The following LTBP1 variants were observed in gnomAD, a reference collection of about 807,000 sequenced individuals.
LTBP1 encodes latent transforming growth factor beta binding protein 1.
A neutral mutation model predicts 207.6 loss-of-function variants in LTBP1; 129 were observed. The observed-to-expected ratio is 0.62, with a 90% CI of 0.54 to 0.72. LTBP1 has a LOEUF of 0.72. LTBP1 is among the 30% of genes least tolerant of loss of function. The probability of loss-of-function intolerance (pLI) is 0.00; values close to 1 mark genes in which losing one functional copy is unlikely to be tolerated. For missense variants in LTBP1, 2,281 were observed against 2,217.2 expected (o/e 1.03, Z -0.58); for synonymous variants, 963 against 833.7 (o/e 1.16, Z -2.67).
chr2:33,243,334 A>G (rs1270744318), intron 9 of LTBP1, among the ~76,000 whole-genome samples: 4 of 152,224 alleles, frequency 2.6e-5, no homozygotes, highest in Non-Finnish European at 5.9e-5. Context: ...CTAGAGTGAG[A>G]GTCTTTGCCT....
At chr2:32,997,930 G>C (rs1482109529) in intron 2 of LTBP1, among the ~76,000 whole-genome samples, 1 of 152,082 alleles carries the variant, frequency 6.6e-6, no homozygotes, top group Non-Finnish European at 1.5e-5. Flanking sequence ...GTTGGACCTG[G>C]TATTGATTTA....
intron 3 of LTBP1, among the ~76,000 whole-genome samples, chr2:33,050,444 A>C (rs2076676473): frequency 6.6e-6 from 1 of 152,184 alleles, no homozygotes; most frequent in Non-Finnish European, 1.5e-5. Context: ...GAGAAATTTC[A>C]GATTCCAAGA....
chr2:33,003,007 C>T (rs186393044), intron 2 of LTBP1, among the ~76,000 whole-genome samples: 2 of 152,232 alleles, frequency 1.3e-5, no homozygotes, highest in East Asian at 3.9e-4. Context: ...ACATCGCATT[C>T]GATTTGGTCC....
chr2:33,394,118 C>T (rs1411069739), intron 32 of LTBP1, among the ~76,000 whole-genome samples: 2 of 152,158 alleles, frequency 1.3e-5, no homozygotes, highest in African/African-American at 2.4e-5. Flanking sequence ...TCATATCCTT[C>T]TCCCACTTTT....
chr2:33,043,158 T>C (rs1339342411), intron 3 of LTBP1, among the ~76,000 whole-genome samples: 1 of 152,168 alleles, frequency 6.6e-6, no homozygotes, highest in Non-Finnish European at 1.5e-5. Context: ...AAATGTTCCA[T>C]GTCTCAGCTT....
intron 19 of LTBP1, among the ~76,000 whole-genome samples, chr2:33,280,665 C>A (rs372433646): frequency 3.6e-4 from 55 of 152,286 alleles, no homozygotes; most frequent in African/African-American, 1.3e-3. Flanking sequence ...ACCATGTAAT[C>A]TTTTTCCCTA....
chr2:33,378,098 A>G (rs1003552497), intron 31 of LTBP1, among the ~76,000 whole-genome samples: 4 of 152,158 alleles, frequency 2.6e-5, no homozygotes, highest in Admixed American at 2.0e-4. Context: ...GAGATTATGA[A>G]TAGGCATTCC....
intron 2 of LTBP1, among the ~76,000 whole-genome samples, chr2:33,005,732 G>A (rs900049229): frequency 6.6e-6 from 1 of 151,568 alleles, no homozygotes; most frequent in Non-Finnish European, 1.5e-5. Flanking sequence ...GCTTACAGGC[G>A]CCCGCCAACA....
In LTBP1 at chr2:33,292,809, C is replaced by G. The variant is rs530342634; in HGVS notation, c.3113-351C>G. Among the ~76,000 whole-genome samples, 156 of 152,226 alleles carry G rather than the reference C, an allele frequency of 1.0e-3. 3 individuals are homozygous for G. In the South Asian group the frequency reaches 0.031, roughly 30 times the overall value. ...GAATTCATCAATTTCCAAAATAGAC[C>G]TCAACCCATCTTTGGTTCTTTGGAA... On this transcript the variant is annotated intron_variant, in intron 19 of 33. Coordinates refer to ENST00000404816, the MANE Select transcript of LTBP1 (RefSeq NM_206943.4).
intron 7 of LTBP1, among the ~76,000 whole-genome samples, chr2:33,209,161 C>A (rs1203067325): frequency 3.3e-5 from 5 of 152,142 alleles, no homozygotes; most frequent in South Asian, 4.1e-4. Context: ...GTGTGAGCCA[C>A]CGCACCTGGC....
intron 5 of LTBP1, among the ~76,000 whole-genome samples, chr2:33,153,573 G>A (rs577965698): frequency 4.3e-4 from 66 of 152,242 alleles, no homozygotes; most frequent in African/African-American, 1.5e-3. Flanking sequence ...AATCTGAGCC[G>A]CGAAGGATCT....
chr2:33,076,971 T>C (rs1337115639), intron 3 of LTBP1, among the ~76,000 whole-genome samples: 1 of 152,194 alleles, frequency 6.6e-6, no homozygotes, highest in Non-Finnish European at 1.5e-5. Flanking sequence ...GTTTTGACTG[T>C]AAGTGGTTAG....
At chr2:33,027,262 A>G (rs2075464746) in intron 3 of LTBP1, among the ~76,000 whole-genome samples, 1 of 152,352 alleles carries the variant, frequency 6.6e-6, no homozygotes, top group South Asian at 2.1e-4. Context: ...TACAGTATAC[A>G]TGATATTTTC....
intron 5 of LTBP1, among the ~76,000 whole-genome samples, chr2:33,183,056 A>T (rs1011393240): frequency 6.6e-6 from 1 of 152,144 alleles, no homozygotes; most frequent in Non-Finnish European, 1.5e-5. Flanking sequence ...TGTATAACTG[A>T]TGATATAGAG....
chr2:33,305,964 G>A (rs2094083611), intron 22 of LTBP1, among the ~76,000 whole-genome samples: 1 of 152,148 alleles, frequency 6.6e-6, no homozygotes, highest in Admixed American at 6.6e-5. Flanking sequence ...GTAGAAAGAT[G>A]ACAGTGATTC....
Position 33,303,412 on chromosome 2 carries a change from C to T in LTBP1, c.3481+1768C>T, listed in dbSNP as rs573243892. On this transcript the variant is annotated intron_variant, in intron 22 of 33. Transcript: ENST00000404816. Reference sequence around the variant, plus strand: ...GTCACCCAGGCTGAGGGCAGTGGCACGATCTCAGCTCACTGCAAGCTTCGC... The same window carrying T: ...GTCACCCAGGCTGAGGGCAGTGGCATGATCTCAGCTCACTGCAAGCTTCGC... Among the ~76,000 whole-genome samples, 33 of 150,788 alleles carry T rather than the reference C, an allele frequency of 2.2e-4. 1 individual carries two copies. The highest frequency in any genetic ancestry group is 1.5e-3 in the Admixed American group (22 of 15,102).
chr2:33,125,924 G>A (rs1171562727), intron 4 of LTBP1, among the ~76,000 whole-genome samples: 2 of 152,152 alleles, frequency 1.3e-5, no homozygotes, highest in Non-Finnish European at 1.5e-5. Context: ...AGGGACCTCA[G>A]TTGGTTGGTT....
intron 5 of LTBP1, among the ~76,000 whole-genome samples, chr2:33,161,710 A>AT (rs1342182780): frequency 6.6e-6 from 1 of 152,254 alleles, no homozygotes; most frequent in Non-Finnish European, 1.5e-5. Flanking sequence ...GCTGCAAAAG[A>AT]TTAATATATT....
Position 33,364,265 on chromosome 2 carries a change from T to C in LTBP1, c.4449T>C (p.Val1483=), listed in dbSNP as rs1405038007. 4.3e-6 allele frequency: 7 copies of C among 1,614,022 alleles called. No homozygotes were observed. The Admixed American group carries it at 6.7e-5, about 15-fold the overall frequency. The part of the protein sequence containing the change: ...DPSSCIDGQC[V]NTEGSYNCFC... ...GTAGTTGTATTGATGGCCAGTGTGT[T>C]AATACAGAGGGCTCTTACAACTGCT... Residue 1483 remains valine, a synonymous_variant, in exon 30 of 34, where the codon GTT becomes GTC. Coordinates refer to ENST00000404816, the MANE Select transcript of LTBP1 (RefSeq NM_206943.4).
Sources: gnomAD v4.1 joint callset for allele counts (sites outside exome capture counted in the v4.1 genomes callset) on GRCh38, gnomAD v4.1.1 for gene constraint, MANE v1.5 for transcripts, NCBI Gene and HGNC (gene_info 2026-07-23, HGNC 2026-07-21) for gene names.